SLC8A3: variants seen among roughly 807,000 people sequenced by gnomAD.
The protein encoded by SLC8A3 is sodium/calcium exchanger 3.
SLC8A3 carries 37 observed loss-of-function variants against 65.4 expected under a neutral mutation model. The ratio of observed to expected loss-of-function variants is 0.57; its 90% CI spans 0.44 to 0.74. The LOEUF (loss-of-function observed/expected upper bound fraction) is 0.74. SLC8A3 is among the 30% of genes least tolerant of loss of function. SLC8A3 has a pLI of 0.00. For missense variants in SLC8A3, 1,112 were observed against 1,172.1 expected (o/e 0.95, Z 0.75); for synonymous variants, 461 against 444.5 (o/e 1.04, Z -0.47).
rs17107740 is a variant in SLC8A3 at position 70,056,987 on chromosome 14, C to T, written c.1888+3849G>A. ...AGATAAAGGTCTGGGAAGAGCTTGC[C>T]ACATATTCAACGTGTAGTTGGTGAC... On this transcript the variant is annotated intron_variant, in intron 3 of 6. Transcript: ENST00000356921. 9.7e-3 allele frequency among the ~76,000 whole-genome samples: 1,477 copies of T among 152,244 alleles called. 30 individuals are homozygous for T. Among genetic ancestry groups the T allele is most frequent in the African/African-American group, 0.033 (1,377 of 41,530 alleles).
At chr14:70,091,300 A>G (rs1457951029) in intron 2 of SLC8A3, among the ~76,000 whole-genome samples, 1 of 152,186 alleles carries the variant, frequency 6.6e-6, no homozygotes, top group Admixed American at 6.5e-5. Context: ...TTTTTTAATA[A>G]CAAAAATTTG....
At chr14:70,082,929 T>C (rs1891160672) in intron 2 of SLC8A3, among the ~76,000 whole-genome samples, 1 of 152,102 alleles carries the variant, frequency 6.6e-6, no homozygotes, top group Non-Finnish European at 1.5e-5. Context: ...GGGTCATAAT[T>C]AACTTTCATA....
chr14:70,144,401 G>A (rs1389957710), intron 2 of SLC8A3, among the ~76,000 whole-genome samples: 1 of 146,416 alleles, frequency 6.8e-6, no homozygotes, highest in African/African-American at 2.5e-5. Flanking sequence ...AGGCCAAGGC[G>A]AGTAGATCAC....
chr14:70,166,122 T>C (rs1897146208), intron 2 of SLC8A3, among the ~76,000 whole-genome samples: 1 of 152,240 alleles, frequency 6.6e-6, no homozygotes, highest in Non-Finnish European at 1.5e-5. Flanking sequence ...TGGAATCTGG[T>C]TACACAGTGA....
rs1019174973 is a variant in SLC8A3, at chr14:70,052,000, T to C, written c.2003A>G (p.Tyr668Cys). The C allele has an allele frequency of 3.7e-6, 6 of 1,613,586 alleles. No individual in the cohort carries two copies. Among genetic ancestry groups the C allele is most frequent in the South Asian group, 2.2e-5 (2 of 91,040 alleles). The stretch of plus-strand genomic sequence containing the variant: ...CACTGTTTGCCTGACCTTGAACTCA[T>C]AGGACTCTTCAATGATGACTTCTAG... Reference protein sequence around the residue: ...PKLEVIIEESYEFKTTVDKLI... With the variant: ...PKLEVIIEESCEFKTTVDKLI... The change falls in exon 4 of 7, where the codon TAT becomes TGT. Residue 668 changes from tyrosine (Y) to cysteine (C), a missense_variant. By Grantham distance (194) the Tyr-to-Cys change is radical. Coordinates refer to ENST00000356921, the MANE Select transcript of SLC8A3 (RefSeq NM_182932.3).
intron 2 of SLC8A3, among the ~76,000 whole-genome samples, chr14:70,078,548 C>T (rs1249272288): frequency 1.3e-5 from 2 of 152,198 alleles, no homozygotes; most frequent in South Asian, 2.1e-4. Context: ...TTACTGCCTA[C>T]TCCCTCCCCT....
chr14:70,118,201 C>T (rs1361047747), intron 2 of SLC8A3, among the ~76,000 whole-genome samples: 1 of 152,356 alleles, frequency 6.6e-6, no homozygotes, highest in East Asian at 1.9e-4. Flanking sequence ...GTATCCTGCT[C>T]TTTAAGATGA....
intron 2 of SLC8A3, among the ~76,000 whole-genome samples, chr14:70,125,987 T>C (rs1047854043): frequency 3.3e-5 from 5 of 152,224 alleles, no homozygotes; most frequent in Non-Finnish European, 5.9e-5. Context: ...CATTTCACCT[T>C]TTAGAAAATA....
At position 70,181,916 on chromosome 14, in the gene SLC8A3, G is replaced by A. The variant is rs149532049; in HGVS notation, c.-63+6463C>T. 1.1e-4 allele frequency among the ~76,000 whole-genome samples: 17 copies of A among 152,286 alleles called. No homozygotes were observed. The East Asian group carries it at 1.2e-3, about 10-fold the overall frequency. ...ACAGTATAATAATAGTAAGTACTTC[G>A]TACAGTCATGGTAAGGATTAAATGG... On this transcript the variant is annotated intron_variant, in intron 1 of 6. Coordinates refer to ENST00000356921, the MANE Select transcript of SLC8A3 (RefSeq NM_182932.3).
chr14:70,137,786 C>CAT, intron 2 of SLC8A3, among the ~76,000 whole-genome samples: 1 of 132,214 alleles, frequency 7.6e-6, no homozygotes. Context: ...CTGGTGGTGC[C>CAT]TTTTTTTTTT....
At chr14:70,111,991 G>A (rs1049933798) in intron 2 of SLC8A3, among the ~76,000 whole-genome samples, 2 of 152,312 alleles carry the variant, frequency 1.3e-5, no homozygotes, top group Non-Finnish European at 2.9e-5. Flanking sequence ...TACAGTAAAG[G>A]GATTTGTCAG....
At chr14:70,174,478 T>C (rs976636804) in intron 1 of SLC8A3, among the ~76,000 whole-genome samples, 2 of 151,944 alleles carry the variant, frequency 1.3e-5, no homozygotes, top group Non-Finnish European at 2.9e-5. Context: ...GGACACATTT[T>C]ATGTTAGATG....
At chr14:70,074,869 A>ACCTTGC (rs1453136524) in intron 2 of SLC8A3, among the ~76,000 whole-genome samples, 8 of 152,182 alleles carry the variant, frequency 5.3e-5, no homozygotes, top group Admixed American at 5.2e-4. Context: ...CACTTCATTT[A>ACCTTGC]CCTTGCCCTA....
At chr14:70,161,971 A>AG (rs1474886790) in intron 2 of SLC8A3, among the ~76,000 whole-genome samples, 1 of 152,244 alleles carries the variant, frequency 6.6e-6, no homozygotes, top group Non-Finnish European at 1.5e-5. Context: ...ACTGCCTAAA[A>AG]GATGTTCCAA....
upstream of SLC8A3, chr14:70,189,141 G>C (rs1425077766): frequency 6.6e-6 from 1 of 152,288 alleles, no homozygotes; most frequent in East Asian, 1.9e-4. Flanking sequence ...TCCTCGACCA[G>C]CAGCGAGGAA....
chr14:70,045,417 A>G lies in SLC8A3; in HGVS notation c.*530T>C, dbSNP rs899936845. ...TCACTCACTTCAGAAAAAAAAGACAAAACAAAATAATAAGCAAAACCTAAT... is the reference window on the plus strand; with the variant it reads ...TCACTCACTTCAGAAAAAAAAGACAGAACAAAATAATAAGCAAAACCTAAT... On this transcript the variant is annotated 3_prime_UTR_variant, in exon 7 of 7. Transcript: ENST00000356921. 3 of 152,264 alleles carry G rather than the reference A, an allele frequency of 2.0e-5. No homozygotes were observed. The highest frequency in any genetic ancestry group is 7.2e-5 in the African/African-American group (3 of 41,454). The allele number at this position is 152,264 out of a possible 1,614,324, so 9.4% of individuals were successfully genotyped here. A position where few individuals can be genotyped will look rare whatever the true frequency, so the allele number is the denominator to read the frequency against.
intron 2 of SLC8A3, among the ~76,000 whole-genome samples, chr14:70,131,971 A>G (rs531004203): frequency 6.6e-6 from 1 of 152,220 alleles, no homozygotes; most frequent in Non-Finnish European, 1.5e-5. Context: ...ATACATTTCC[A>G]TCTGGGGGAA....
At chr14:70,168,525 A>T in intron 1 of SLC8A3, 41 bp from the exon 2 acceptor site, 5 of 865,422 alleles carry the variant, frequency 5.8e-6, no homozygotes, top group African/African-American at 1.7e-5. Flanking sequence ...ATGAGGAAAA[A>T]GGGGACAGCA....
At chr14:70,150,388 C>T (rs1361951004) in intron 2 of SLC8A3, among the ~76,000 whole-genome samples, 2 of 152,208 alleles carry the variant, frequency 1.3e-5, no homozygotes, top group Non-Finnish European at 2.9e-5. Flanking sequence ...AATCATGCTG[C>T]TCTATTACCC....
Sources: gnomAD v4.1 joint callset for allele counts (sites outside exome capture counted in the v4.1 genomes callset) on GRCh38, gnomAD v4.1.1 for gene constraint, MANE v1.5 for transcripts, NCBI Gene and HGNC (gene_info 2026-07-23, HGNC 2026-07-21) for gene names.